Variants in TMEM87A observed in about 807,000 individuals in gnomAD.
TMEM87A encodes the protein Golgi-pH regulating cation channel.
A neutral mutation model predicts 90.0 loss-of-function variants in TMEM87A; 50 were observed. That is an observed-to-expected ratio of 0.56 (90% confidence interval 0.44 to 0.70). The LOEUF (loss-of-function observed/expected upper bound fraction) is 0.70. TMEM87A is among the 30% of genes least tolerant of loss of function. TMEM87A has a pLI of 0.00. For synonymous variants in TMEM87A, 226 were observed against 226.7 expected (o/e 1.00, Z 0.03); for missense variants, 577 against 660.5 (o/e 0.87, Z 1.39).
upstream of TMEM87A, chr15:42,273,557 C>A: frequency 7.6e-7 from 1 of 1,317,228 alleles, no homozygotes; most frequent in Non-Finnish European, 1.0e-6. Flanking sequence ...AGACAGTCGT[C>A]TGTGCGCCGT....
At chr15:42,253,611 A>C (rs961258349) in intron 6 of TMEM87A, among the ~76,000 whole-genome samples, 1 of 152,228 alleles carries the variant, frequency 6.6e-6, no homozygotes, top group Non-Finnish European at 1.5e-5. Flanking sequence ...CCCTGGCACC[A>C]GCAACCTGCA....
At chr15:42,251,451 T>A (rs151125092) in intron 6 of TMEM87A, among the ~76,000 whole-genome samples, 2,821 of 152,310 alleles carry the variant, frequency 0.019, 38 homozygotes, top group Middle Eastern at 0.037. Flanking sequence ...TTTATTGATG[T>A]TGATGTTATT....
chr15:42,256,650 A>G (rs575807827), intron 6 of TMEM87A, among the ~76,000 whole-genome samples: 1 of 152,360 alleles, frequency 6.6e-6, no homozygotes, highest in South Asian at 2.1e-4. Context: ...TGCTGTGCAC[A>G]GAAGACAACT....
At chr15:42,229,510 T>C (rs2050651626) in intron 12 of TMEM87A, among the ~76,000 whole-genome samples, 2 of 152,006 alleles carry the variant, frequency 1.3e-5, no homozygotes, top group African/African-American at 4.8e-5. Flanking sequence ...GTTAACATCA[T>C]CTTCTCTCTC....
At chr15:42,225,959 A>T (rs2050583942) in intron 15 of TMEM87A, among the ~76,000 whole-genome samples, 1 of 152,084 alleles carries the variant, frequency 6.6e-6, no homozygotes, top group South Asian at 2.1e-4. Flanking sequence ...ATGTCAAGGA[A>T]GTCTATTGGT....
At position 42,264,626 on chromosome 15, in the gene TMEM87A, T is replaced by C. The variant is rs191607217; in HGVS notation, c.292-423A>G. Among the ~76,000 whole-genome samples the C allele has an allele frequency of 2.0e-3, 299 of 149,056 alleles. 1 individual carries two copies. The highest frequency in any genetic ancestry group is 6.9e-3 in the African/African-American group (281 of 40,818). ...CTTCTTAAAAATGCAAATTGAGAGA[T>C]AGAAACAGAATGGAAAAGGTCTGAA... is the stretch of plus-strand genomic sequence containing the variant. On this transcript the variant is annotated intron_variant, in intron 3 of 19. Coordinates refer to ENST00000389834, the MANE Select transcript of TMEM87A (RefSeq NM_015497.5).
Position 42,264,222 on chromosome 15 carries a change from C to T in TMEM87A, c.292-19G>A. 1.9e-6 allele frequency: 3 copies of T among 1,566,832 alleles called. No individual in the cohort carries two copies. Among genetic ancestry groups the T allele is most frequent in the Non-Finnish European group, 2.6e-6 (3 of 1,139,628 alleles). Reference sequence around the variant, plus strand: ...CTTCTGCCTGGAAAAAGAGATAATACAGAGTAGTTAACTCACCTTCCAAAA... The same window carrying T: ...CTTCTGCCTGGAAAAAGAGATAATATAGAGTAGTTAACTCACCTTCCAAAA... On this transcript the variant is annotated intron_variant, in intron 3 of 19. Coordinates refer to ENST00000389834, the MANE Select transcript of TMEM87A (RefSeq NM_015497.5).
intron 13 of TMEM87A, 53 bp downstream of exon 13, chr15:42,228,659 G>T: frequency 1.3e-6 from 2 of 1,484,924 alleles, no homozygotes; most frequent in African/African-American, 1.4e-5. Flanking sequence ...GGTTAAGAAT[G>T]TCCATTCTAA....
intron 6 of TMEM87A, among the ~76,000 whole-genome samples, chr15:42,255,655 A>G (rs1021686152): frequency 2.0e-5 from 3 of 152,220 alleles, no homozygotes; most frequent in Non-Finnish European, 4.4e-5. Context: ...AATGTATCAC[A>G]TTATTGCTTA....
At chr15:42,246,065 C>T (rs1184069978) in intron 6 of TMEM87A, among the ~76,000 whole-genome samples, 2 of 152,284 alleles carry the variant, frequency 1.3e-5, no homozygotes, top group South Asian at 2.1e-4. Flanking sequence ...CCATTTCTTC[C>T]TCTGTCACCA....
intron 6 of TMEM87A, among the ~76,000 whole-genome samples, chr15:42,251,719 A>G (rs1042397318): frequency 6.6e-6 from 1 of 152,170 alleles, no homozygotes; most frequent in Non-Finnish European, 1.5e-5. Context: ...CCACTTGAGG[A>G]GGCAGTCTGT....
At chr15:42,220,015 GAAA>G (rs1340482804) in intron 16 of TMEM87A, 44 bp downstream of exon 16, 2 of 1,481,612 alleles carry the variant, frequency 1.3e-6, no homozygotes, top group Middle Eastern at 1.8e-4. Context: ...TGTACTTACA[GAAA>G]AATAATATTT....
intron 6 of TMEM87A, among the ~76,000 whole-genome samples, chr15:42,248,678 G>A (rs190888612): frequency 2.9e-4 from 44 of 152,172 alleles, no homozygotes; most frequent in Admixed American, 1.2e-3. Context: ...TGCTGGATTC[G>A]GTTTGCAAGT....
chr15:42,245,042 A>T (rs2050946427), intron 6 of TMEM87A, among the ~76,000 whole-genome samples: 1 of 152,088 alleles, frequency 6.6e-6, no homozygotes, highest in Non-Finnish European at 1.5e-5. Flanking sequence ...ACAACCAAGA[A>T]AAGGCTTAGT....
intron 6 of TMEM87A, among the ~76,000 whole-genome samples, chr15:42,253,301 A>G (rs2051119067): frequency 6.6e-6 from 1 of 152,188 alleles, no homozygotes; most frequent in Admixed American, 6.5e-5. Flanking sequence ...TTCATAGCTC[A>G]ATATACACAG....
intron 8 of TMEM87A, among the ~76,000 whole-genome samples, chr15:42,238,518 C>T (rs887605643): frequency 4.6e-5 from 7 of 151,914 alleles, no homozygotes; most frequent in South Asian, 2.1e-4. Context: ...TGCATTGAGC[C>T]AAGATCGTGC....
intron 15 of TMEM87A, among the ~76,000 whole-genome samples, chr15:42,221,835 C>T (rs985668616): frequency 6.6e-6 from 1 of 152,186 alleles, no homozygotes; most frequent in African/African-American, 2.4e-5. Flanking sequence ...ACTGCAGCCT[C>T]GACATCCCAG....
chr15:42,245,247 A>G (rs2050950019), intron 6 of TMEM87A, among the ~76,000 whole-genome samples: 1 of 152,172 alleles, frequency 6.6e-6, no homozygotes, highest in South Asian at 2.1e-4. Context: ...TGCAGCTTCA[A>G]AGTTATGGGT....
intron 4 of TMEM87A, 45 bp from the exon 5 acceptor site, chr15:42,261,294 T>C (rs1356936883): frequency 2.6e-6 from 4 of 1,551,670 alleles, no homozygotes; most frequent in South Asian, 2.3e-5. Context: ...GTGTAAATAC[T>C]AGAAGAAAAG....
Sources: gnomAD v4.1 joint callset for allele counts (sites outside exome capture counted in the v4.1 genomes callset) on GRCh38, gnomAD v4.1.1 for gene constraint, MANE v1.5 for transcripts, NCBI Gene and HGNC (gene_info 2026-07-23, HGNC 2026-07-21) for gene names.